ARHGAP22: variants seen among roughly 807,000 people sequenced by gnomAD.
ARHGAP22 encodes rho GTPase-activating protein 22.
Under a neutral mutation model 59.1 loss-of-function variants are expected in ARHGAP22, and 48 were observed. The ratio of observed to expected loss-of-function variants is 0.81; its 90% CI spans 0.64 to 1.03. The LOEUF (loss-of-function observed/expected upper bound fraction) is 1.03. Ranked by LOEUF, ARHGAP22 falls within the 50% of genes least tolerant of loss-of-function variation. The pLI is 0.00. For synonymous variants in ARHGAP22, 445 were observed against 416.4 expected (o/e 1.07, Z -0.84); for missense variants, 1,015 against 958.7 (o/e 1.06, Z -0.78).
At chr10:48,574,430 C>T (rs1461267039) in intron 2 of ARHGAP22, among the ~76,000 whole-genome samples, 1 of 152,164 alleles carries the variant, frequency 6.6e-6, no homozygotes, top group African/African-American at 2.4e-5. Context: ...ACAGCAATAT[C>T]AAAACAGTAA....
At position 48,450,519 on chromosome 10, in the gene ARHGAP22, G is replaced by A. The variant is rs1397598697; in HGVS notation, c.1610C>T (p.Ser537Leu). Residue 537 changes from serine to leucine, a missense_variant, in exon 9 of 10, where the codon TCG (serine) becomes TTG (leucine). Physicochemically the swap from Ser to Leu is moderately radical, Grantham distance 145 (BLOSUM62 -2). Coordinates refer to ENST00000249601, the MANE Select transcript of ARHGAP22 (RefSeq NM_021226.4). The stretch of plus-strand genomic sequence containing the variant: ...GGTGTGCAGGGAACTGCGGGCAGAC[G>A]AGTCGCTGGCGCGGCAGGCCGTGCA... ...SSCTACRASDSSARSSLHTDW... is the reference protein window; with the variant it reads ...SSCTACRASDLSARSSLHTDW... 2.0e-5 allele frequency: 30 copies of A among 1,525,478 alleles called. No homozygotes were observed. Among genetic ancestry groups the A allele is most frequent in the Non-Finnish European group, 2.5e-5 (28 of 1,136,542 alleles). The allele number at this position is 1,525,478 out of a possible 1,614,324, so 94.5% of individuals were successfully genotyped here. A position where few individuals can be genotyped will look rare whatever the true frequency, so the allele number is the denominator to read the frequency against.
chr10:48,655,068 C>CCTTCT (rs200335418), upstream of ARHGAP22, among the ~76,000 whole-genome samples: 4,710 of 22,194 alleles, frequency 0.21, 1,202 homozygotes, highest in Middle Eastern at 0.26. Flanking sequence ...TTCCTTCCCT[C>CCTTCT]CTTCTCTTCT....
At chr10:48,588,721 G>A (rs1188151520) in intron 1 of ARHGAP22, among the ~76,000 whole-genome samples, 1 of 152,220 alleles carries the variant, frequency 6.6e-6, no homozygotes, top group African/African-American at 2.4e-5. Context: ...TCCAGGTACA[G>A]AGCCCAATTG....
intron 1 of ARHGAP22, among the ~76,000 whole-genome samples, chr10:48,626,061 C>G (rs897681127): frequency 1.3e-5 from 2 of 152,154 alleles, no homozygotes; most frequent in African/African-American, 2.4e-5. Flanking sequence ...CTGTAAAAGT[C>G]TCCATGAGAG....
intron 4 of ARHGAP22, among the ~76,000 whole-genome samples, chr10:48,473,874 A>G (rs923077967): frequency 6.6e-6 from 1 of 152,176 alleles, no homozygotes; most frequent in African/African-American, 2.4e-5. Context: ...CAAGGGATAC[A>G]CATGTTCAAG....
chr10:48,654,841 C>CCTTCCT (rs2062710143), upstream of ARHGAP22, among the ~76,000 whole-genome samples: 2 of 140,180 alleles, frequency 1.4e-5, no homozygotes, highest in African/African-American at 5.3e-5. Flanking sequence ...TTCCTTCCTT[C>CCTTCCT]CTCTCTCTTT....
chr10:48,481,875 T>C (rs1224522330), intron 3 of ARHGAP22, among the ~76,000 whole-genome samples: 1 of 152,232 alleles, frequency 6.6e-6, no homozygotes, highest in Non-Finnish European at 1.5e-5. Context: ...ATTGGACATC[T>C]TTTATGTATT....
chr10:48,591,949 T>C (rs577530934), intron 1 of ARHGAP22, among the ~76,000 whole-genome samples: 1 of 152,344 alleles, frequency 6.6e-6, no homozygotes, highest in African/African-American at 2.4e-5. Flanking sequence ...TGCTCACCTC[T>C]GTCCTGCAGA....
intron 1 of ARHGAP22, among the ~76,000 whole-genome samples, chr10:48,651,947 A>G (rs139689142): frequency 7.0e-4 from 106 of 152,202 alleles, no homozygotes; most frequent in African/African-American, 2.5e-3. Context: ...CCTTGGACAT[A>G]GGAGTCCTTA....
chr10:48,462,609 C>A (rs1251373772), intron 4 of ARHGAP22, among the ~76,000 whole-genome samples: 1 of 152,184 alleles, frequency 6.6e-6, no homozygotes, highest in African/African-American at 2.4e-5. Context: ...GTGAGGCATC[C>A]CCCAATCCAG....
At chr10:48,655,945 C>T (rs1589364447), upstream of ARHGAP22, 1 of 152,604 alleles carries the variant, frequency 6.6e-6, no homozygotes, top group African/African-American at 2.4e-5. Context: ...GTGGCCTGGC[C>T]ACGTGCGCCC....
chr10:48,495,221 G>C (rs2050795423), intron 3 of ARHGAP22, among the ~76,000 whole-genome samples: 1 of 152,134 alleles, frequency 6.6e-6, no homozygotes, highest in South Asian at 2.1e-4. Context: ...GTCACAGAGG[G>C]GGATGTGGAG....
chr10:48,583,272 G>A (rs1195398928), intron 1 of ARHGAP22, 120 bp from the exon 2 acceptor site: 8 of 1,188,144 alleles, frequency 6.7e-6, no homozygotes, highest in Non-Finnish European at 9.5e-6. Flanking sequence ...CCAGCAGGAT[G>A]TGAGCAGCTG....
At chr10:48,505,044 C>CTG (rs35419360) in intron 3 of ARHGAP22, among the ~76,000 whole-genome samples, 99,828 of 151,924 alleles carry the variant, frequency 0.66, 34,471 homozygotes, top group East Asian at 0.98. Context: ...TCTCCAGAAA[C>CTG]TACATTTTAT....
the ARHGAP22 span, chr10:48,431,206 G>C: frequency 6.2e-7 from 1 of 1,607,280 alleles, no homozygotes. Context: ...TGATATATAA[G>C]GAAGTTATGG....
chr10:48,471,681 C>G (rs938173661), intron 4 of ARHGAP22, among the ~76,000 whole-genome samples: 5 of 152,214 alleles, frequency 3.3e-5, no homozygotes, highest in Non-Finnish European at 5.9e-5. Context: ...TCCTCACATC[C>G]ACAGCCAGGA....
At chr10:48,590,250 G>A (rs141386494) in intron 1 of ARHGAP22, among the ~76,000 whole-genome samples, 3 of 152,004 alleles carry the variant, frequency 2.0e-5, no homozygotes, top group South Asian at 2.1e-4. Flanking sequence ...TTGCTAGAAC[G>A]GGAGGGACCC....
chr10:48,493,362 T>A, intron 3 of ARHGAP22: 1 of 1,419,702 alleles, frequency 7.0e-7, no homozygotes, highest in Non-Finnish European at 9.6e-7. Context: ...ACCACTTCCC[T>A]TTCAAGGGTT....
At chr10:48,591,348 A>G (rs1429852968) in intron 1 of ARHGAP22, among the ~76,000 whole-genome samples, 1 of 152,240 alleles carries the variant, frequency 6.6e-6, no homozygotes, top group Non-Finnish European at 1.5e-5. Flanking sequence ...AGTCACCCCG[A>G]GGCACAGGGC....
Sources: gnomAD v4.1 joint callset for allele counts (sites outside exome capture counted in the v4.1 genomes callset) on GRCh38, gnomAD v4.1.1 for gene constraint, MANE v1.5 for transcripts, NCBI Gene and HGNC (gene_info 2026-07-23, HGNC 2026-07-21) for gene names.